FREM1: variants seen among roughly 807,000 people sequenced by gnomAD.
FREM1 encodes the protein FRAS1-related extracellular matrix protein 1.
FREM1 carries 220 observed loss-of-function variants against 210.1 expected under a neutral mutation model. The ratio of observed to expected loss-of-function variants is 1.05; its 90% confidence interval spans 0.94 to 1.17. The LOEUF (loss-of-function observed/expected upper bound fraction) is 1.17, where lower values mean the gene tolerates loss of function less well. Among genes scored for constraint, FREM1 ranks in the 50% most tolerant of loss-of-function variants. FREM1 has a pLI of 0.00. For missense variants in FREM1, 3,454 were observed against 2,675.5 expected (o/e 1.29, Z -6.42); for synonymous variants, 1,189 against 980.2 (o/e 1.21, Z -3.98).
chr9:14,770,684 G>A lies in FREM1; in HGVS notation c.4980C>T (p.Asp1660=), dbSNP rs764385270. Residue 1660 remains aspartate, a synonymous_variant, in exon 26 of 37, where the codon GAC becomes GAT. Transcript: ENST00000380880. ...TGATCTGATCGTCCTCAGTGTCAGG[G>A]TCTGATGCCTTCAACACGCGGGAAG... is the stretch of plus-strand genomic sequence containing the variant. ...YITSRVLKAS[D]PDTEDDQIIF... is the part of the protein sequence containing the mutation. The A allele has an allele frequency of 4.3e-6, 7 of 1,613,456 alleles. No homozygotes were observed. The highest frequency in any genetic ancestry group is 1.7e-5 in the Admixed American group (1 of 59,998).
In FREM1 at chr9:14,842,499, C is replaced by G. The variant is rs1296438433; in HGVS notation, c.1555G>C (p.Asp519His). Residue 519 changes from aspartate (D) to histidine (H), a missense_variant, in exon 9 of 37, where the codon GAT becomes CAT. Asp to His is a moderately conservative substitution (Grantham distance 81). Coordinates refer to ENST00000380880, the MANE Select transcript of FREM1 (RefSeq NM_001379081.2). ...TTGGTTATGAGGAACGGGGGACTAT[C>G]ATCTTTGGGCAAGACGTTGATGGGG... ...KFPINVLPKD[D>H]SPPFLITNVV... 9 of 1,614,034 alleles carry G rather than the reference C, an allele frequency of 5.6e-6. No homozygotes were observed. In the South Asian group the frequency reaches 8.8e-5, roughly 16 times the overall value.
Position 14,739,182 on chromosome 9 carries a change from C to A in FREM1, c.6340+967G>T, listed in dbSNP as rs183718435. On this transcript the variant is annotated intron_variant, in intron 36 of 36. Transcript: ENST00000380880. ...GCAGTGGCACAATCACGGCTCACTG[C>A]AGCCTCAACTTCCTAGCCTCAAGCA... 5.0e-3 allele frequency among the ~76,000 whole-genome samples: 758 copies of A among 151,676 alleles called. 3 individuals are homozygous for A. Among genetic ancestry groups the A allele is most frequent in the Non-Finnish European group, 8.1e-3 (551 of 67,904 alleles).
At chr9:14,852,567 A>G (rs1332799613) in intron 5 of FREM1, among the ~76,000 whole-genome samples, 1 of 152,180 alleles carries the variant, frequency 6.6e-6, no homozygotes, top group African/African-American at 2.4e-5. Flanking sequence ...ATGGTGGTGC[A>G]CACCTATAGC....
intron 10 of FREM1, among the ~76,000 whole-genome samples, chr9:14,826,149 G>C (rs1822416147): frequency 7.0e-6 from 1 of 143,346 alleles, no homozygotes; most frequent in Non-Finnish European, 1.5e-5. Flanking sequence ...CTGGAGTGCA[G>C]TGGTGCGATC....
rs1374682539 is a variant in FREM1 at position 14,770,683 on chromosome 9, G to A, written c.4981C>T (p.Pro1661Ser). ...ATGATCTGATCGTCCTCAGTGTCAG[G>A]GTCTGATGCCTTCAACACGCGGGAA... ...ITSRVLKASD[P>S]DTEDDQIIFK... Residue 1661 changes from proline (P) to serine (S), a missense_variant, in exon 26 of 37, where the codon CCT becomes TCT. Coordinates refer to ENST00000380880, the MANE Select transcript of FREM1 (RefSeq NM_001379081.2). The A allele has an allele frequency of 6.2e-7, 1 of 1,613,302 alleles. No individual in the cohort carries two copies. The highest frequency in any genetic ancestry group is 8.5e-7 in the Non-Finnish European group (1 of 1,179,518).
At chr9:14,901,884 C>T (rs1350065219) in intron 1 of FREM1, among the ~76,000 whole-genome samples, 3 of 152,074 alleles carry the variant, frequency 2.0e-5, no homozygotes, top group East Asian at 1.9e-4. Context: ...TGGGGTCTCA[C>T]GCTGTAGCCC....
chr9:14,813,539 C>T (rs1819766644), intron 15 of FREM1, among the ~76,000 whole-genome samples: 2 of 152,180 alleles, frequency 1.3e-5, no homozygotes, highest in South Asian at 4.1e-4. Context: ...CAGGAAGTTT[C>T]TCTGGACTTA....
intron 29 of FREM1, among the ~76,000 whole-genome samples, chr9:14,754,135 C>G (rs1003619408): frequency 6.6e-6 from 1 of 152,180 alleles, no homozygotes; most frequent in African/African-American, 2.4e-5. Context: ...AAAATTACTC[C>G]TGATCTTGTA....
chr9:14,816,669 T>G (rs1820361630), intron 15 of FREM1, 109 bp downstream of exon 15: 1 of 510,568 alleles, frequency 2.0e-6, no homozygotes, highest in African/African-American at 2.0e-5. Context: ...TCCAGAGTCA[T>G]GAGCCAAATA....
At chr9:14,747,618 A>T (rs1842704680) in intron 32 of FREM1, 63 bp downstream of exon 32, 1 of 1,079,050 alleles carries the variant, frequency 9.3e-7, no homozygotes, top group East Asian at 2.7e-5. Flanking sequence ...ATAAAATAAT[A>T]GCTTCATTAA....
chr9:14,791,963 G>C (rs1851429283), intron 22 of FREM1, among the ~76,000 whole-genome samples: 1 of 151,998 alleles, frequency 6.6e-6, no homozygotes, highest in Non-Finnish European at 1.5e-5. Flanking sequence ...TCCGCCTGCA[G>C]AGTAATGAGT....
At chr9:14,833,647 G>A (rs1414393783) in intron 10 of FREM1, among the ~76,000 whole-genome samples, 2 of 152,204 alleles carry the variant, frequency 1.3e-5, no homozygotes, top group Non-Finnish European at 2.9e-5. Context: ...ACTGCTTGGT[G>A]TAGCTAAAGT....
intron 12 of FREM1, 59 bp from the exon 13 acceptor site, chr9:14,823,386 A>G: frequency 6.9e-7 from 1 of 1,439,334 alleles, no homozygotes; most frequent in East Asian, 2.3e-5. Context: ...AAAAGCTTTT[A>G]GAGGTCCAAG....
intron 12 of FREM1, 143 bp from the exon 13 acceptor site, chr9:14,823,470 A>G (rs1821751825): frequency 1.4e-6 from 1 of 721,610 alleles, no homozygotes; most frequent in African/African-American, 1.8e-5. Context: ...CAAAAGCTCT[A>G]TTTTTACTTC....
chr9:14,824,432 G>C (rs1422685270), intron 11 of FREM1, among the ~76,000 whole-genome samples: 1 of 152,172 alleles, frequency 6.6e-6, no homozygotes, highest in East Asian at 1.9e-4. Flanking sequence ...CATTTTTCTA[G>C]ATTGAGATCA....
At chr9:14,792,521 G>C (rs778933081) in intron 22 of FREM1, among the ~76,000 whole-genome samples, 11 of 152,140 alleles carry the variant, frequency 7.2e-5, no homozygotes, top group Non-Finnish European at 1.6e-4. Context: ...TAATCCTACG[G>C]GAGAGGGAGC....
At chr9:14,778,242 T>C (rs1348686851) in intron 24 of FREM1, among the ~76,000 whole-genome samples, 1 of 151,984 alleles carries the variant, frequency 6.6e-6, no homozygotes, top group African/African-American at 2.4e-5. Context: ...AAACCTTTGA[T>C]AAGTATATTT....
chr9:14,801,388 G>A (rs930390812), intron 20 of FREM1, among the ~76,000 whole-genome samples: 5 of 152,142 alleles, frequency 3.3e-5, no homozygotes, highest in Non-Finnish European at 7.4e-5. Flanking sequence ...AAAATCTACT[G>A]TCTTAGGAAT....
At chr9:14,875,724 G>A (rs1161601394) in intron 1 of FREM1, among the ~76,000 whole-genome samples, 1 of 152,202 alleles carries the variant, frequency 6.6e-6, no homozygotes, top group African/African-American at 2.4e-5. Context: ...GTGAGGAACT[G>A]CATTCCTTTG....
Sources: gnomAD v4.1 joint callset for allele counts (sites outside exome capture counted in the v4.1 genomes callset) on GRCh38, gnomAD v4.1.1 for gene constraint, MANE v1.5 for transcripts, NCBI Gene and HGNC (gene_info 2026-07-23, HGNC 2026-07-21) for gene names.